LIPC: variants seen among roughly 807,000 people sequenced by gnomAD.
The protein encoded by LIPC is lipase C, hepatic type, also known as hepatic triacylglycerol lipase.
Under a neutral mutation model 50.7 loss-of-function variants are expected in LIPC, and 44 were observed. That is an observed-to-expected ratio of 0.87 (90% CI 0.68 to 1.11). LIPC has a LOEUF of 1.11. Ranked by LOEUF, LIPC falls within the 50% of genes most tolerant of loss-of-function variation. LIPC has a pLI of 0.00. For missense variants in LIPC, 697 were observed against 648.2 expected (o/e 1.08, Z -0.82); for synonymous variants, 271 against 256.4 (o/e 1.06, Z -0.54).
At chr15:58,432,606 T>A (rs1893162399) in intron 1 of LIPC, among the ~76,000 whole-genome samples, 1 of 152,202 alleles carries the variant, frequency 6.6e-6, no homozygotes, top group Non-Finnish European at 1.5e-5. Context: ...TTGCACAATT[T>A]CTAGACTTTG....
chr15:58,432,643 G>A (rs8033940), intron 1 of LIPC, among the ~76,000 whole-genome samples: 62,313 of 152,066 alleles, frequency 0.41, 14,327 homozygotes, highest in East Asian at 0.7. Flanking sequence ...TTAGTCTGAG[G>A]CTGAAGAATC....
At chr15:58,478,767 A>G (rs530405635) in intron 1 of LIPC, among the ~76,000 whole-genome samples, 6 of 152,350 alleles carry the variant, frequency 3.9e-5, no homozygotes, top group African/African-American at 1.4e-4. Flanking sequence ...TTACAGAACT[A>G]TAGTTCAGTG....
chr15:58,489,507 TG>T (rs763734905), intron 1 of LIPC, among the ~76,000 whole-genome samples: 3 of 152,016 alleles, frequency 2.0e-5, no homozygotes, highest in Non-Finnish European at 2.9e-5. Flanking sequence ...CATAGGGTTA[TG>T]GAAAACGGTC....
chr15:58,520,919 A>G (rs1284678574), intron 1 of LIPC, among the ~76,000 whole-genome samples: 2 of 152,224 alleles, frequency 1.3e-5, no homozygotes, highest in African/African-American at 2.4e-5. Flanking sequence ...GAGGAATTCT[A>G]GAAAAGGAAG....
intron 1 of LIPC, among the ~76,000 whole-genome samples, chr15:58,511,172 C>T (rs752983982): frequency 1.3e-5 from 2 of 152,182 alleles, no homozygotes; most frequent in South Asian, 4.1e-4. Context: ...GTACAAAATA[C>T]GAATTAAATG....
At chr15:58,520,496 G>C (rs749145762) in intron 1 of LIPC, among the ~76,000 whole-genome samples, 2 of 152,142 alleles carry the variant, frequency 1.3e-5, no homozygotes, top group South Asian at 4.1e-4. Context: ...ACTAGCCTTC[G>C]AAACCCCAGC....
chr15:58,567,422 A>G (rs1413311126), intron 8 of LIPC, among the ~76,000 whole-genome samples: 2 of 148,430 alleles, frequency 1.3e-5, no homozygotes, highest in African/African-American at 2.5e-5. Flanking sequence ...TTACATTATC[A>G]CATGTTTAAA....
At chr15:58,476,084 G>A (rs1375150755) in intron 1 of LIPC, among the ~76,000 whole-genome samples, 4 of 152,246 alleles carry the variant, frequency 2.6e-5, no homozygotes, top group African/African-American at 9.6e-5. Flanking sequence ...ACCTTAGGAA[G>A]AGAGCAGTCC....
chr15:58,499,049 A>G (rs1891878758), intron 1 of LIPC, among the ~76,000 whole-genome samples: 1 of 152,220 alleles, frequency 6.6e-6, no homozygotes, highest in Non-Finnish European at 1.5e-5. Context: ...CAGGCAGAGC[A>G]GGATTACTCG....
At chr15:58,434,979 G>T (rs1397300239) in intron 1 of LIPC, 4 of 152,158 alleles carry the variant, frequency 2.6e-5, no homozygotes, top group African/African-American at 9.7e-5. Context: ...CACACACTCT[G>T]TTCACACGTT....
At chr15:58,490,231 T>C (rs1394631809) in intron 1 of LIPC, among the ~76,000 whole-genome samples, 2 of 152,018 alleles carry the variant, frequency 1.3e-5, no homozygotes, top group African/African-American at 4.8e-5. Context: ...AGGCACAGGG[T>C]ATCAGGCCAG....
chr15:58,523,951 G>C (rs976595555), intron 1 of LIPC, among the ~76,000 whole-genome samples: 41 of 152,096 alleles, frequency 2.7e-4, no homozygotes, highest in African/African-American at 9.2e-4. Context: ...AGAAATAAAA[G>C]AAAAGAAATT....
intron 1 of LIPC, among the ~76,000 whole-genome samples, chr15:58,444,090 C>G (rs1261578740): frequency 6.6e-6 from 1 of 152,174 alleles, no homozygotes; most frequent in Non-Finnish European, 1.5e-5. Flanking sequence ...TCAGCTTGGG[C>G]TCAGAGGCCT....
intron 8 of LIPC, chr15:58,566,130 C>A: frequency 1.0e-6 from 1 of 975,012 alleles, no homozygotes. Context: ...TTCTAACAAG[C>A]GACCAGGCAA....
At chr15:58,534,371 ACT>A in intron 1 of LIPC, among the ~76,000 whole-genome samples, 1 of 152,146 alleles carries the variant, frequency 6.6e-6, no homozygotes, top group Middle Eastern at 3.4e-3. Context: ...TAAGCGACAG[ACT>A]CTGATCTCAT....
intron 1 of LIPC, chr15:58,494,698 G>A (rs1024827484): frequency 2.2e-5 from 10 of 450,954 alleles, no homozygotes; most frequent in Non-Finnish European, 4.5e-5. Context: ...GTCAGATAAT[G>A]AAGTTTTGCA....
In LIPC at chr15:58,534,596, T is replaced by C. The variant is rs555694140; in HGVS notation, c.89-3737T>C. ...TCAGAGTTAACCACATAAAACTTGC[T>C]GCTATATATTTGTAACCTCCTTTTT... On this transcript the variant is annotated intron_variant, in intron 1 of 8. Coordinates refer to ENST00000299022, the MANE Select transcript of LIPC (RefSeq NM_000236.3). 5.9e-5 allele frequency among the ~76,000 whole-genome samples: 9 copies of C among 152,336 alleles called. No individual in the cohort carries two copies. In the South Asian group the frequency reaches 1.9e-3, roughly 32 times the overall value.
chr15:58,493,977 G>C (rs1174519841), intron 1 of LIPC, among the ~76,000 whole-genome samples: 1 of 152,088 alleles, frequency 6.6e-6, no homozygotes, highest in East Asian at 1.9e-4. Flanking sequence ...ATGAGAGTAG[G>C]GGTTCTGGAG....
chr15:58,443,876 A>G (rs1221062433), intron 1 of LIPC, among the ~76,000 whole-genome samples: 1 of 152,182 alleles, frequency 6.6e-6, no homozygotes, highest in Admixed American at 6.5e-5. Flanking sequence ...CACAAAGTAC[A>G]TTCTCAAGGG....
Sources: gnomAD v4.1 joint callset for allele counts (sites outside exome capture counted in the v4.1 genomes callset) on GRCh38, gnomAD v4.1.1 for gene constraint, MANE v1.5 for transcripts, NCBI Gene and HGNC (gene_info 2026-07-23, HGNC 2026-07-21) for gene names.